Variants in ABCA12 observed in about 807,000 individuals in gnomAD.
The protein encoded by ABCA12 is glucosylceramide transporter ABCA12.
In ABCA12, 156 loss-of-function variants were observed where a neutral mutation model predicts 293.5. The observed-to-expected ratio is 0.53, with a 90% CI of 0.47 to 0.61. The LOEUF (loss-of-function observed/expected upper bound fraction) is 0.61. Ranked by LOEUF, ABCA12 falls within the 20% of genes least tolerant of loss-of-function variation. The pLI is 0.00. For synonymous variants in ABCA12, 1,063 were observed against 1,108.0 expected (o/e 0.96, Z 0.81); for missense variants, 2,797 against 3,090.2 (o/e 0.91, Z 2.25).
At chr2:214,935,631 T>G (rs914898052) in intron 51 of ABCA12, among the ~76,000 whole-genome samples, 31 of 152,068 alleles carry the variant, frequency 2.0e-4, no homozygotes, top group Admixed American at 2.0e-3. Context: ...ATTCTGTCTC[T>G]ACAAAAAATC....
At chr2:214,967,017 T>C in intron 38 of ABCA12, 64 bp from the exon 39 acceptor site, 1 of 1,208,362 alleles carries the variant, frequency 8.3e-7, no homozygotes, top group East Asian at 2.4e-5. Flanking sequence ...TGTCTTAACA[T>C]CTGACAGCTA....
Position 214,997,723 on chromosome 2 carries a change from A to G in ABCA12, c.3266T>C (p.Val1089Ala). 1 of 1,613,106 alleles carries G rather than the reference A, an allele frequency of 6.2e-7. No individual in the cohort carries two copies. The highest frequency in any genetic ancestry group is 8.5e-7 in the Non-Finnish European group (1 of 1,179,230). Residue 1089 changes from valine (V) to alanine (A), a missense_variant, in exon 23 of 53, where the codon GTC (valine) becomes GCC (alanine). By Grantham distance (64) the Val-to-Ala change is moderately conservative (BLOSUM62 0). Around this residue, in one of 3 missense-constraint regions of ABCA12, gnomAD observed 2,130 missense variants for 2,427.0 expected, o/e 0.88. Coordinates refer to ENST00000272895, the MANE Select transcript of ABCA12 (RefSeq NM_173076.3). ...ATGAAGCCGGAGGTCTTTCTCATAGACAAGCTTTTTTACAAAGGCAGCTAT... is the reference window on the plus strand; with the variant it reads ...ATGAAGCCGGAGGTCTTTCTCATAGGCAAGCTTTTTTACAAAGGCAGCTAT... ...VFIAAFVKKL[V>A]YEKDLRLHEY...
At chr2:215,113,853 A>C (rs963499915) in intron 1 of ABCA12, among the ~76,000 whole-genome samples, 3 of 152,364 alleles carry the variant, frequency 2.0e-5, no homozygotes, top group Admixed American at 2.0e-4. Context: ...ATCACATTAG[A>C]GTTGTTGCAG....
chr2:214,978,365 T>G lies in ABCA12; in HGVS notation c.5079A>C (p.Ser1693=), dbSNP rs754671769. Residue 1693 remains serine (S), a synonymous_variant, in exon 33 of 53, where the codon TCA becomes TCC. Coordinates refer to ENST00000272895, the MANE Select transcript of ABCA12 (RefSeq NM_173076.3). ...TGCTCACAGATAAATCGTCAGGAGT[T>G]GAGATGCCATTGGCATTGGAATTCC... The part of the protein sequence containing the change: ...KIGNSNANGI[S]TPDDLSVSSS... The G allele has an allele frequency of 6.2e-7, 1 of 1,614,018 alleles. No individual in the cohort carries two copies. Among genetic ancestry groups the G allele is most frequent in the South Asian group, 1.1e-5 (1 of 91,086 alleles).
intron 51 of ABCA12, 96 bp downstream of exon 51, chr2:214,937,414 G>A (rs1698255069): frequency 2.1e-6 from 2 of 940,016 alleles, no homozygotes; most frequent in East Asian, 5.2e-5. Context: ...GGCCAGGCTG[G>A]TCTTAACCTC....
rs1349575643 is a variant in ABCA12, at chr2:214,978,959, G to A, written c.4822C>T (p.Leu1608Phe). 6.2e-7 allele frequency: 1 copy of A among 1,614,076 alleles called. No individual in the cohort carries two copies. The highest frequency in any genetic ancestry group is 1.7e-5 in the Admixed American group (1 of 60,012). Residue 1608 changes from leucine to phenylalanine, a missense_variant, in exon 32 of 53, where the codon CTC (leucine) becomes TTC (phenylalanine). Physicochemically the swap from Leu to Phe is conservative, Grantham distance 22. Transcript: ENST00000272895. Reference protein sequence around the residue: ...MIQSHLPEAYLKEDIGGELVY... With the variant: ...MIQSHLPEAYFKEDIGGELVY... ...AGCTCTCCCCCAATATCCTCCTTGA[G>A]GTAGGCTTCGGGGAGATGTGATTGG...
At chr2:214,979,362 C>G (rs545544259) in intron 31 of ABCA12, among the ~76,000 whole-genome samples, 65 of 152,238 alleles carry the variant, frequency 4.3e-4, no homozygotes, top group Admixed American at 3.9e-3. Flanking sequence ...GGTCCTATAC[C>G]TCCAGATAGC....
In ABCA12 at chr2:214,990,747, C is replaced by A; in HGVS notation, c.3579G>T (p.Leu1193=). ...YIIAFFPFIV[L]VTVENELSYV... is the part of the protein sequence containing the mutation. The stretch of plus-strand genomic sequence containing the variant: ...AGCTCAACTCATTCTCCACTGTAAC[C>A]AGAACAATAAATGGAAAGAAGGCAA... Residue 1193 remains leucine (L), a synonymous_variant, in exon 24 of 53, where the codon CTG becomes CTT. Transcript: ENST00000272895. The A allele has an allele frequency of 6.2e-7, 1 of 1,613,998 alleles. No homozygotes were observed. The highest frequency in any genetic ancestry group is 8.5e-7 in the Non-Finnish European group (1 of 1,179,962).
intron 32 of ABCA12, 38 bp from the exon 33 acceptor site, chr2:214,978,504 A>G: frequency 6.2e-7 from 1 of 1,604,366 alleles, no homozygotes; most frequent in Non-Finnish European, 8.5e-7. Flanking sequence ...TAACATGAAA[A>G]GTGCATGTCT....
At chr2:214,932,762 A>G (rs1229805770) in intron 52 of ABCA12, 21 bp from the exon 53 acceptor site, 1 of 1,577,004 alleles carries the variant, frequency 6.3e-7, no homozygotes, top group Admixed American at 1.7e-5. Flanking sequence ...AGGGAAAATA[A>G]AGCCATTAAT....
At chr2:214,943,092 A>T (rs1698459184) in intron 49 of ABCA12, 75 bp from the exon 50 acceptor site, 7 of 1,136,370 alleles carry the variant, frequency 6.2e-6, no homozygotes, top group African/African-American at 1.5e-5. Context: ...GCATAAGCAT[A>T]ATTGTTTCAT....
Position 214,982,380 on chromosome 2 carries a change from A to T in ABCA12, c.4386T>A (p.Thr1462=). Residue 1462 remains threonine, a synonymous_variant, in exon 30 of 53, where the codon ACT becomes ACA. Transcript: ENST00000272895. ...KKQLHEEVKR[T]LKDTGLYSHR... is the part of the protein sequence containing the mutation. The stretch of plus-strand genomic sequence containing the variant: ...GGCTATATAGTCCAGTATCTTTTAA[A>T]GTCCTTCAAAAATAATGTATGATGG... The T allele has an allele frequency of 6.2e-7, 1 of 1,613,360 alleles. No individual in the cohort carries two copies. The highest frequency in any genetic ancestry group is 1.3e-5 in the African/African-American group (1 of 75,014).
chr2:214,989,347 C>T lies in ABCA12; in HGVS notation c.3811G>A (p.Val1271Ile). The T allele has an allele frequency of 6.2e-7, 1 of 1,613,196 alleles. No individual in the cohort carries two copies. The highest frequency in any genetic ancestry group is 8.5e-7 in the Non-Finnish European group (1 of 1,179,822). Reference protein sequence around the residue: ...SFIYFLIAWYVRNVFPGTYGM... With the variant: ...SFIYFLIAWYIRNVFPGTYGM... Reference sequence around the variant, plus strand: ...TTCATACCTGGGAAGACATTCCTGACATACCAAGCAATAAGGAAATAAATG... The same window carrying T: ...TTCATACCTGGGAAGACATTCCTGATATACCAAGCAATAAGGAAATAAATG... Residue 1271 changes from valine to isoleucine, a missense_variant, in exon 26 of 53, where the codon GTC (valine) becomes ATC (isoleucine). Val to Ile is a conservative substitution (Grantham distance 29). Coordinates refer to ENST00000272895, the MANE Select transcript of ABCA12 (RefSeq NM_173076.3).
chr2:215,129,533 G>C (rs1158675335), intron 1 of ABCA12, among the ~76,000 whole-genome samples: 1 of 152,104 alleles, frequency 6.6e-6, no homozygotes, highest in Admixed American at 6.5e-5. Context: ...TTCTTCTTTT[G>C]AGAAACATCT....
intron 7 of ABCA12, chr2:215,039,071 A>G (rs1701045360): frequency 6.6e-6 from 1 of 152,202 alleles, no homozygotes; most frequent in South Asian, 2.1e-4. Flanking sequence ...TTTGTGATTT[A>G]TGTCTCAGCA....
chr2:214,961,169 G>A (rs1320756958), intron 39 of ABCA12, among the ~76,000 whole-genome samples: 1 of 152,016 alleles, frequency 6.6e-6, no homozygotes, highest in Non-Finnish European at 1.5e-5. Context: ...GGGTGATGTA[G>A]CACTTCTTCT....
rs1703277118 is a variant in ABCA12, at chr2:215,138,383, C to T, written c.-175G>A. The T allele has an allele frequency of 1.4e-6, 1 of 700,482 alleles. No homozygotes were observed. The allele number at this position is 700,482 out of a possible 1,614,324, so 43.4% of individuals were successfully genotyped here. ...TTCTTCTGTTTCTGCTGGATTTTTC[C>T]CTGTGGTTAATCCTTAACCAAGAGG... On this transcript the variant is annotated 5_prime_UTR_variant, in exon 1 of 53. Transcript: ENST00000272895.
chr2:215,131,868 C>T (rs1009728263), intron 1 of ABCA12, among the ~76,000 whole-genome samples: 1 of 151,832 alleles, frequency 6.6e-6, no homozygotes, highest in Non-Finnish European at 1.5e-5. Context: ...TTGATGTAAG[C>T]ATTTAATGCT....
chr2:215,012,497 A>T (rs1700400110), intron 15 of ABCA12, among the ~76,000 whole-genome samples: 1 of 152,214 alleles, frequency 6.6e-6, no homozygotes, highest in African/African-American at 2.4e-5. Context: ...GAAACAAAAA[A>T]AATTATATTA....
Sources: allele counts gnomAD v4.1 joint callset (sites outside exome capture counted in the v4.1 genomes callset), GRCh38; gene constraint gnomAD v4.1.1; regional missense constraint gnomAD v4.1.1; transcripts MANE v1.5; gene names NCBI Gene and HGNC (gene_info 2026-07-23, HGNC 2026-07-21).